Variants in ROBO2 observed in about 807,000 individuals in gnomAD.
The protein encoded by ROBO2 is roundabout guidance receptor 2.
ROBO2 carries 53 observed loss-of-function variants against 160.8 expected under a neutral mutation model. That is an observed-to-expected ratio of 0.33 (90% CI 0.26 to 0.41). ROBO2 has a LOEUF of 0.41. Among genes scored for constraint, ROBO2 ranks in the 10% least tolerant of loss-of-function variants. ROBO2 has a pLI of 1.00. For synonymous variants in ROBO2, 664 were observed against 611.7 expected, an observed-to-expected ratio of 1.09 and a Z score of -1.26; for missense variants, 1,577 against 1,722.4, an observed-to-expected ratio of 0.92 and a Z score of 1.49.
At chr3:77,239,096 T>C (rs561917114) in intron 2 of ROBO2, among the ~76,000 whole-genome samples, 8 of 152,230 alleles carry the variant, frequency 5.3e-5, no homozygotes, top group African/African-American at 1.9e-4. Flanking sequence ...CTGGAATTGG[T>C]GGGTTCTTGG....
At chr3:77,409,101 A>G (rs1343968749) in intron 2 of ROBO2, among the ~76,000 whole-genome samples, 1 of 120,684 alleles carries the variant, frequency 8.3e-6, no homozygotes, top group South Asian at 2.6e-4. Context: ...ACATATATAT[A>G]TGTATATATA....
intron 24 of ROBO2, among the ~76,000 whole-genome samples, chr3:77,641,442 G>A (rs1213586901): frequency 2.6e-5 from 4 of 152,134 alleles, no homozygotes; most frequent in Non-Finnish European, 5.9e-5. Context: ...TGTTAAGGAA[G>A]CTATCTTTTG....
intron 2 of ROBO2, among the ~76,000 whole-genome samples, chr3:77,211,071 C>A (rs1400465648): frequency 6.6e-6 from 1 of 152,118 alleles, no homozygotes; most frequent in Non-Finnish European, 1.5e-5. Context: ...GTCTTTATAG[C>A]AGCATGTTTT....
chr3:76,940,003 A>G, intron 2 of ROBO2, among the ~76,000 whole-genome samples: 1 of 71,362 alleles, frequency 1.4e-5, no homozygotes, highest in East Asian at 4.3e-4. Context: ...TTTTTTTGAG[A>G]CGGAGTCTCG....
At chr3:76,316,052 G>A (rs1186131409) in intron 2 of ROBO2, among the ~76,000 whole-genome samples, 2 of 152,134 alleles carry the variant, frequency 1.3e-5, no homozygotes, top group African/African-American at 4.8e-5. Context: ...TACGAACAGG[G>A]AGTAGATCAC....
chr3:76,834,468 G>C (rs1464253843), intron 2 of ROBO2, among the ~76,000 whole-genome samples: 1 of 151,918 alleles, frequency 6.6e-6, no homozygotes, highest in Non-Finnish European at 1.5e-5. Context: ...CTCCTCCTAG[G>C]TTTAAGTAAT....
chr3:76,142,236 A>C (rs1287289236), intron 2 of ROBO2, among the ~76,000 whole-genome samples: 1 of 151,986 alleles, frequency 6.6e-6, no homozygotes, highest in East Asian at 1.9e-4. Flanking sequence ...ATAGTGATTG[A>C]CATTATGGAG....
chr3:77,351,593 C>T (rs1313734847), intron 2 of ROBO2, among the ~76,000 whole-genome samples: 1 of 152,060 alleles, frequency 6.6e-6, no homozygotes, highest in Non-Finnish European at 1.5e-5. Flanking sequence ...TATATTTTCC[C>T]TTAACAAAGT....
At chr3:76,131,202 G>A (rs1344373342) in intron 2 of ROBO2, among the ~76,000 whole-genome samples, 2 of 152,094 alleles carry the variant, frequency 1.3e-5, no homozygotes, top group African/African-American at 2.4e-5. Flanking sequence ...GCTTGAAATT[G>A]AAAACTTCAC....
intron 2 of ROBO2, among the ~76,000 whole-genome samples, chr3:77,230,921 T>C (rs1244042345): frequency 6.6e-6 from 1 of 152,196 alleles, no homozygotes; most frequent in East Asian, 1.9e-4. Context: ...ATGCATTATT[T>C]TTAGCAAGTT....
At chr3:77,011,761 C>T (rs1195611283) in intron 2 of ROBO2, among the ~76,000 whole-genome samples, 1 of 152,028 alleles carries the variant, frequency 6.6e-6, no homozygotes, top group Non-Finnish European at 1.5e-5. Flanking sequence ...TTAATTGCCC[C>T]TTTGTTATGC....
chr3:77,179,321 A>G (rs1028628638), intron 2 of ROBO2, among the ~76,000 whole-genome samples: 1 of 152,058 alleles, frequency 6.6e-6, no homozygotes, highest in Non-Finnish European at 1.5e-5. Flanking sequence ...TGCAAAAAAA[A>G]AAAAGTTAAA....
chr3:76,357,172 G>A lies in ROBO2; in HGVS notation c.109+419570G>A, dbSNP rs372501777. Among the ~76,000 whole-genome samples, 84 of 152,022 alleles carry A rather than the reference G, an allele frequency of 5.5e-4. 2 individuals are homozygous for A. In the South Asian group the frequency reaches 0.017, roughly 30 times the overall value. On this transcript the variant is annotated intron_variant, in intron 2 of 26. Coordinates refer to the ROBO2 transcript ENST00000487694. ...TACTACACAGCTGTTTAAAAAAAAT[G>A]AAATCATGTCCTTTGCAGCAACATG...
intron 2 of ROBO2, among the ~76,000 whole-genome samples, chr3:76,092,400 A>G (rs2108102698): frequency 6.6e-6 from 1 of 152,250 alleles, no homozygotes. Flanking sequence ...TAAATAGCTA[A>G]CCAATCATCA....
intron 1 of ROBO2, among the ~76,000 whole-genome samples, chr3:77,082,202 A>G (rs1169062718): frequency 6.6e-6 from 1 of 152,218 alleles, no homozygotes; most frequent in Non-Finnish European, 1.5e-5. Context: ...TAGTAAAGAA[A>G]AATTGCTAAC....
chr3:77,012,662 T>C (rs1457106858), intron 2 of ROBO2, among the ~76,000 whole-genome samples: 1 of 152,206 alleles, frequency 6.6e-6, no homozygotes, highest in Non-Finnish European at 1.5e-5. Context: ...TACTGAAATC[T>C]TGTAAATCAG....
intron 2 of ROBO2, among the ~76,000 whole-genome samples, chr3:76,445,017 T>G (rs528529433): frequency 1.3e-5 from 2 of 152,142 alleles, no homozygotes; most frequent in Non-Finnish European, 2.9e-5. Context: ...GAATCAACAT[T>G]CTTTATTACA....
At chr3:77,373,922 A>G (rs1423739990) in intron 2 of ROBO2, among the ~76,000 whole-genome samples, 3 of 151,096 alleles carry the variant, frequency 2.0e-5, no homozygotes, top group Middle Eastern at 3.2e-3. Flanking sequence ...CTGTAATCCT[A>G]GCACTTTGGG....
chr3:76,986,731 G>A (rs1311171465), intron 2 of ROBO2, among the ~76,000 whole-genome samples: 1 of 152,048 alleles, frequency 6.6e-6, no homozygotes, highest in African/African-American at 2.4e-5. Flanking sequence ...ATAAAGTATG[G>A]AATTGTGCTT....
Sources: gnomAD v4.1 joint callset for allele counts (sites outside exome capture counted in the v4.1 genomes callset) on GRCh38, gnomAD v4.1.1 for gene constraint, MANE v1.5 for transcripts, NCBI Gene and HGNC (gene_info 2026-07-23, HGNC 2026-07-21) for gene names.